The following PRKCH variants were observed in gnomAD, a reference collection of about 807,000 sequenced individuals.
PRKCH encodes the protein protein kinase C eta.
A neutral mutation model predicts 82.5 loss-of-function variants in PRKCH; 28 were observed. The ratio of observed to expected loss-of-function variants is 0.34; its 90% confidence interval spans 0.25 to 0.47. The LOEUF (loss-of-function observed/expected upper bound fraction) is 0.47. Ranked by LOEUF, PRKCH falls within the 20% of genes least tolerant of loss-of-function variation. The pLI, the probability that PRKCH is intolerant of heterozygous loss-of-function variation, is 1.00. For synonymous variants in PRKCH, 322 were observed against 327.4 expected, an observed-to-expected ratio of 0.98 and a Z score of 0.18; for missense variants, 705 against 881.8, an observed-to-expected ratio of 0.80 and a Z score of 2.54.
intron 1 of PRKCH, among the ~76,000 whole-genome samples, chr14:61,264,731 T>C (rs1337564905): frequency 1.3e-5 from 2 of 152,220 alleles, no homozygotes; most frequent in African/African-American, 4.8e-5. Context: ...ATCTGGAATC[T>C]TTTAACTCTT....
chr14:61,345,196 G>T (rs1239041219), intron 1 of PRKCH, among the ~76,000 whole-genome samples: 1 of 152,164 alleles, frequency 6.6e-6, no homozygotes, highest in Non-Finnish European at 1.5e-5. Flanking sequence ...TGGGAGGACA[G>T]TGTCTTACCA....
intron 12 of PRKCH, among the ~76,000 whole-genome samples, chr14:61,534,195 A>G (rs2043078369): frequency 6.6e-6 from 1 of 152,236 alleles, no homozygotes; most frequent in African/African-American, 2.4e-5. Context: ...CATATGATCT[A>G]GCACTTCTAC....
chr14:61,280,765 C>T lies in PRKCH; in HGVS notation c.-19+93097C>T. On this transcript the variant is annotated intron_variant, in intron 1 of 3. Transcript: ENST00000555185. The surrounding 1 kb of genome is among the most constrained non-coding windows in gnomAD (Gnocchi z 5.0). The stretch of plus-strand genomic sequence containing the variant: ...GAGTCCGCTCAGCTGCGCGTCGTCG[C>T]GGGACACGCCGTAGCGCCGGTTGTT... 4.5e-6 allele frequency: 7 copies of T among 1,556,618 alleles called. No individual in the cohort carries two copies. Among genetic ancestry groups the T allele is most frequent in the Non-Finnish European group, 6.0e-6 (7 of 1,159,330 alleles).
At chr14:61,339,864 A>G (rs745373098) in intron 1 of PRKCH, among the ~76,000 whole-genome samples, 2 of 151,368 alleles carry the variant, frequency 1.3e-5, no homozygotes, top group South Asian at 2.1e-4. Flanking sequence ...TTAATTTTTC[A>G]TAGAGACAGA....
At chr14:61,360,144 T>C (rs2140159723) in intron 1 of PRKCH, among the ~76,000 whole-genome samples, 1 of 152,322 alleles carries the variant, frequency 6.6e-6, no homozygotes, top group South Asian at 2.1e-4. Flanking sequence ...CTTATACAAC[T>C]CAAAGGGGAA....
rs184977610 is a variant in PRKCH, at chr14:61,472,923, G to T, written c.1279-12579G>T. On this transcript the variant is annotated intron_variant, in intron 9 of 13. Transcript: ENST00000332981. The stretch of plus-strand genomic sequence containing the variant: ...TTATGTGCCAGGGATGAAGACACAA[G>T]AACAAAATGTGGACCTGCCTTTTAA... Among the ~76,000 whole-genome samples the T allele has an allele frequency of 9.3e-4, 141 of 152,326 alleles. No homozygotes were observed. In the East Asian group the frequency reaches 0.012, roughly 13 times the overall value.
Position 61,547,853 on chromosome 14 carries a change from T to A in PRKCH, c.1872T>A (p.His624Gln). Residue 624 changes from histidine (H) to glutamine (Q), a missense_variant, in exon 13 of 14, where the codon CAT becomes CAA. By Grantham distance (24) the His-to-Gln change is conservative (BLOSUM62 0). Coordinates refer to ENST00000332981, the MANE Select transcript of PRKCH (RefSeq NM_006255.5). Reference sequence around the variant, plus strand: ...AAATCGACTGGGCCCAGCTGAACCATCGCCAAATAGAACCGCCTTTCAGAC... The same window carrying A: ...AAATCGACTGGGCCCAGCTGAACCAACGCCAAATAGAACCGCCTTTCAGAC... ...FKEIDWAQLN[H>Q]RQIEPPFRPR... is the part of the protein sequence containing the mutation. 6.2e-7 allele frequency: 1 copy of A among 1,613,860 alleles called. No individual in the cohort carries two copies. The highest frequency in any genetic ancestry group is 1.1e-5 in the South Asian group (1 of 91,022).
chr14:61,296,801 T>A (rs367869192), intron 1 of PRKCH, among the ~76,000 whole-genome samples: 2 of 152,218 alleles, frequency 1.3e-5, no homozygotes, highest in Admixed American at 6.5e-5. Flanking sequence ...TGAGGAACCC[T>A]ATGTATTATA....
chr14:61,243,591 A>G (rs1174704744), intron 1 of PRKCH, among the ~76,000 whole-genome samples: 1 of 152,084 alleles, frequency 6.6e-6, no homozygotes, highest in African/African-American at 2.4e-5. Flanking sequence ...ATGGCCTTAT[A>G]GATCTTATTA....
chr14:61,221,534 C>T (rs1020093044), intron 1 of PRKCH, among the ~76,000 whole-genome samples: 1 of 151,738 alleles, frequency 6.6e-6, no homozygotes, highest in African/African-American at 2.4e-5. Context: ...TCCTCTTTGT[C>T]GTGACAGCGA....
intron 1 of PRKCH, among the ~76,000 whole-genome samples, chr14:61,323,621 A>G (rs757450915): frequency 6.6e-6 from 1 of 152,166 alleles, no homozygotes; most frequent in Non-Finnish European, 1.5e-5. Flanking sequence ...TTTACCGTAT[A>G]TTTTCTAAAA....
intron 1 of PRKCH, among the ~76,000 whole-genome samples, chr14:61,196,798 A>G (rs2044445581): frequency 6.6e-6 from 1 of 152,208 alleles, no homozygotes; most frequent in Non-Finnish European, 1.5e-5. Context: ...ATAGACTCCC[A>G]GGGACATTTA....
chr14:61,310,879 T>G (rs1317202499), intron 1 of PRKCH, among the ~76,000 whole-genome samples: 1 of 152,268 alleles, frequency 6.6e-6, no homozygotes, highest in African/African-American at 2.4e-5. Context: ...TATTGACTTC[T>G]GTGCACCTGC....
chr14:61,343,113 C>T (rs941932143), intron 1 of PRKCH, among the ~76,000 whole-genome samples: 3 of 152,154 alleles, frequency 2.0e-5, no homozygotes, highest in South Asian at 2.1e-4. Context: ...GGAATATAAT[C>T]GCTACTTAAC....
At chr14:61,388,579 C>T (rs17098289) in intron 1 of PRKCH, among the ~76,000 whole-genome samples, 3,946 of 152,036 alleles carry the variant, frequency 0.026, 147 homozygotes, top group African/African-American at 0.083. Context: ...GTTGTGAGGT[C>T]GAATGTATGT....
intron 2 of PRKCH, among the ~76,000 whole-genome samples, chr14:61,420,093 T>C (rs1341373228): frequency 1.3e-5 from 2 of 152,220 alleles, no homozygotes; most frequent in Non-Finnish European, 2.9e-5. Context: ...TCAACCAGAC[T>C]GGTTGGTTGG....
intron 10 of PRKCH, among the ~76,000 whole-genome samples, chr14:61,522,453 C>G (rs1054179107): frequency 1.3e-5 from 2 of 152,172 alleles, no homozygotes; most frequent in Admixed American, 6.5e-5. Flanking sequence ...GCTCTCTTCT[C>G]TCGCCACCCA....
At chr14:61,335,914 T>C (rs575972918) in intron 1 of PRKCH, among the ~76,000 whole-genome samples, 1 of 152,366 alleles carries the variant, frequency 6.6e-6, no homozygotes, top group East Asian at 1.9e-4. Flanking sequence ...CATCATAGTG[T>C]GATGGTTGGG....
At chr14:61,239,416 G>A (rs1334528188) in intron 1 of PRKCH, among the ~76,000 whole-genome samples, 1 of 152,216 alleles carries the variant, frequency 6.6e-6, no homozygotes, top group East Asian at 1.9e-4. Context: ...AGCACCAAAT[G>A]AGGACAGGGC....
Sources: gnomAD v4.1 joint callset for allele counts (sites outside exome capture counted in the v4.1 genomes callset) on GRCh38, gnomAD v4.1.1 for gene constraint, Gnocchi (gnomAD v3.1) non-coding constraint, MANE v1.5 for transcripts, NCBI Gene and HGNC (gene_info 2026-07-23, HGNC 2026-07-21) for gene names.